Variants in PRUNE2 observed in about 807,000 individuals in gnomAD.
PRUNE2 encodes the protein prune homolog 2 with BCH domain, also known as protein prune homolog 2.
In PRUNE2, 164 loss-of-function variants were observed where a neutral mutation model predicts 252.0. The observed-to-expected ratio is 0.65, with a 90% CI of 0.57 to 0.74. The LOEUF is 0.74. PRUNE2 is among the 30% of genes least tolerant of loss of function. The probability of loss-of-function intolerance (pLI) is 0.00; values close to 1 mark genes in which losing one functional copy is unlikely to be tolerated. For missense variants in PRUNE2, 3,495 were observed against 3,711.0 expected, an observed-to-expected ratio of 0.94 and a Z score of 1.51; for synonymous variants, 1,292 against 1,350.2, an observed-to-expected ratio of 0.96 and a Z score of 0.94.
At chr9:76,853,818 A>G (rs906652245) in intron 2 of PRUNE2, among the ~76,000 whole-genome samples, 3 of 152,258 alleles carry the variant, frequency 2.0e-5, no homozygotes, top group Non-Finnish European at 4.4e-5. Flanking sequence ...CATAAAATTA[A>G]TCAACTATTA....
Position 76,644,899 on chromosome 9 carries a change from G to C in PRUNE2, c.8568C>G (p.Ala2856=), listed in dbSNP as rs1461658824. ...CTGACTCTTGGCCAGAATCTTTGTTGGCTGTGGGATCTTCTGGAAACAAAG... is the reference window on the plus strand; with the variant it reads ...CTGACTCTTGGCCAGAATCTTTGTTCGCTGTGGGATCTTCTGGAAACAAAG... ...SFEYTGHDPT[A]NKDSGQESES... is the part of the protein sequence containing the mutation. The change falls in exon 12 of 19, where the codon GCC becomes GCG. Residue 2856 remains alanine, a synonymous_variant. Transcript: ENST00000376718. The C allele has an allele frequency of 1.7e-5, 27 of 1,613,330 alleles. No individual in the cohort carries two copies. The highest frequency in any genetic ancestry group is 2.2e-5 in the Non-Finnish European group (26 of 1,179,598).
intron 17 of PRUNE2, among the ~76,000 whole-genome samples, chr9:76,623,353 G>C (rs1833202061): frequency 6.6e-6 from 1 of 151,012 alleles, no homozygotes; most frequent in African/African-American, 2.4e-5. Flanking sequence ...GGAGTGCAGT[G>C]GCATGATCTC....
At chr9:76,735,094 GA>G (rs1435948446) in intron 6 of PRUNE2, among the ~76,000 whole-genome samples, 1 of 152,160 alleles carries the variant, frequency 6.6e-6, no homozygotes, top group African/African-American at 2.4e-5. Flanking sequence ...GAAACAGAGG[GA>G]AGGGGTGGAA....
In PRUNE2 at chr9:76,674,599, T is replaced by C. The variant is rs1380351795; in HGVS notation, c.8277-19097A>G. On this transcript the variant is annotated intron_variant, in intron 9 of 18. Transcript: ENST00000376718. ...ATATGGAACCAAAAAAGAGCCCGCA[T>C]CGCCAAGTCAATCCTAAGCCAAAAG... Among the ~76,000 whole-genome samples the C allele has an allele frequency of 4.6e-5, 7 of 151,416 alleles. No homozygotes were observed. The East Asian group carries it at 1.2e-3, about 25-fold the overall frequency.
At chr9:76,736,300 A>G (rs1334726016) in intron 6 of PRUNE2, among the ~76,000 whole-genome samples, 1 of 152,250 alleles carries the variant, frequency 6.6e-6, no homozygotes, top group East Asian at 1.9e-4. Context: ...GCACAATGTC[A>G]TATGACATAC....
chr9:76,776,689 A>G (rs1416271540), intron 6 of PRUNE2, among the ~76,000 whole-genome samples: 2 of 151,006 alleles, frequency 1.3e-5, no homozygotes, highest in Admixed American at 1.3e-4. Context: ...TAGTATTTCT[A>G]GTTTTAGTAG....
intron 6 of PRUNE2, among the ~76,000 whole-genome samples, chr9:76,720,577 AT>A (rs1024224940): frequency 1.8e-4 from 27 of 152,308 alleles, no homozygotes; most frequent in Admixed American, 1.6e-3. Flanking sequence ...GACAATAAAT[AT>A]TAAGCCTCTT....
chr9:76,627,112 CT>C (rs1441086393), intron 16 of PRUNE2, among the ~76,000 whole-genome samples: 1 of 120,184 alleles, frequency 8.3e-6, no homozygotes, highest in African/African-American at 2.6e-5. Context: ...TTTTCTTCTT[CT>C]TTTTTGAGAC....
intron 4 of PRUNE2, among the ~76,000 whole-genome samples, chr9:76,836,826 C>T (rs921206235): frequency 6.6e-6 from 1 of 152,164 alleles, no homozygotes; most frequent in African/African-American, 2.4e-5. Flanking sequence ...GGGCCCAAAG[C>T]AGAGTGACGG....
At chr9:76,853,236 C>T (rs1388448430) in intron 2 of PRUNE2, among the ~76,000 whole-genome samples, 2 of 152,172 alleles carry the variant, frequency 1.3e-5, no homozygotes, top group African/African-American at 2.4e-5. Flanking sequence ...ACCCACAGCT[C>T]ATTCTGGAAG....
intron 18 of PRUNE2, among the ~76,000 whole-genome samples, chr9:76,617,327 C>T (rs1830183510): frequency 6.6e-6 from 1 of 152,184 alleles, no homozygotes; most frequent in Non-Finnish European, 1.5e-5. Context: ...ACTGATCGAG[C>T]CCATTGGAAG....
intron 1 of PRUNE2, among the ~76,000 whole-genome samples, chr9:76,895,572 C>T (rs962308583): frequency 3.9e-5 from 6 of 152,116 alleles, no homozygotes; most frequent in Non-Finnish European, 8.8e-5. Flanking sequence ...TCTGAAATCG[C>T]TTATGCACCA....
At chr9:76,774,441 A>G (rs1175548067) in intron 6 of PRUNE2, among the ~76,000 whole-genome samples, 1 of 132,446 alleles carries the variant, frequency 7.6e-6, no homozygotes, top group Admixed American at 7.8e-5. Context: ...CCTGGCCTCC[A>G]GTTCAACCCT....
chr9:76,704,181 C>A, intron 8 of PRUNE2, 82 bp from the exon 9 acceptor site: 2 of 763,728 alleles, frequency 2.6e-6, no homozygotes, highest in South Asian at 8.5e-5. Context: ...TGCAAATGAT[C>A]ATCTAAAAGA....
intron 4 of PRUNE2, among the ~76,000 whole-genome samples, chr9:76,841,453 C>T (rs1564417331): frequency 6.6e-6 from 1 of 152,272 alleles, no homozygotes; most frequent in Admixed American, 6.5e-5. Flanking sequence ...GCGCCTGGAA[C>T]GCCAGTGAGA....
At chr9:76,882,762 G>A (rs2061864104) in intron 1 of PRUNE2, among the ~76,000 whole-genome samples, 1 of 152,132 alleles carries the variant, frequency 6.6e-6, no homozygotes, top group African/African-American at 2.4e-5. Context: ...TTCCCACCAG[G>A]CACCCCCTCC....
intron 1 of PRUNE2, among the ~76,000 whole-genome samples, chr9:76,889,808 C>T (rs987561150): frequency 6.6e-6 from 1 of 152,164 alleles, no homozygotes; most frequent in Non-Finnish European, 1.5e-5. Context: ...TAATGCACCG[C>T]TCCTGCCTCC....
intron 4 of PRUNE2, among the ~76,000 whole-genome samples, chr9:76,834,118 G>A (rs938390475): frequency 6.6e-6 from 1 of 151,914 alleles, no homozygotes; most frequent in African/African-American, 2.4e-5. Context: ...CCTGACCTCA[G>A]GTGATCCGCC....
At chr9:76,821,343 T>C (rs2131915694) in intron 6 of PRUNE2, among the ~76,000 whole-genome samples, 1 of 152,338 alleles carries the variant, frequency 6.6e-6, no homozygotes, top group Middle Eastern at 3.4e-3. Context: ...GTCAATATTT[T>C]TTAAAGTGAG....
Sources: gnomAD v4.1 joint callset for allele counts (sites outside exome capture counted in the v4.1 genomes callset) on GRCh38, gnomAD v4.1.1 for gene constraint, MANE v1.5 for transcripts, NCBI Gene and HGNC (gene_info 2026-07-23, HGNC 2026-07-21) for gene names.